The following FGGY variants were observed in gnomAD, a reference collection of about 807,000 sequenced individuals.
FGGY encodes FGGY carbohydrate kinase domain containing.
Under a neutral mutation model 71.3 loss-of-function variants are expected in FGGY, and 72 were observed. That is an observed-to-expected ratio of 1.01 (90% CI 0.84 to 1.23). The LOEUF is 1.23. FGGY is among the 50% of genes most tolerant of loss of function. The pLI, the probability that FGGY is intolerant of heterozygous loss-of-function variation, is 0.00. For missense variants in FGGY, 668 were observed against 682.3 expected (o/e 0.98, Z 0.23); for synonymous variants, 251 against 250.3 (o/e 1.00, Z -0.02).
intron 8 of FGGY, among the ~76,000 whole-genome samples, chr1:59,591,113 G>A (rs1187129226): frequency 2.6e-5 from 4 of 152,004 alleles, no homozygotes; most frequent in African/African-American, 4.8e-5. Context: ...AAATCAATGT[G>A]CAAAAATCAC....
chr1:59,378,656 T>A (rs371916928), intron 4 of FGGY, 93 bp from the exon 5 acceptor site: 1 of 1,080,400 alleles, frequency 9.3e-7, no homozygotes, highest in Non-Finnish European at 1.4e-6. Flanking sequence ...CATTGTTGGC[T>A]ATGCTTTTGT....
At chr1:59,512,194 A>C in intron 6 of FGGY, 117 bp from the exon 7 acceptor site, 1 of 1,164,918 alleles carries the variant, frequency 8.6e-7, no homozygotes. Flanking sequence ...CATGGTTTTT[A>C]TCTTTGCAAA....
intron 7 of FGGY, among the ~76,000 whole-genome samples, chr1:59,547,016 G>A (rs1048304985): frequency 7.5e-5 from 11 of 145,918 alleles, no homozygotes; most frequent in Non-Finnish European, 1.2e-4. Context: ...GCAGTGGCGC[G>A]ATCTCGATTC....
chr1:59,708,378 C>G (rs1161547486), intron 14 of FGGY, among the ~76,000 whole-genome samples: 3 of 152,098 alleles, frequency 2.0e-5, no homozygotes, highest in African/African-American at 7.2e-5. Flanking sequence ...GAGCTTTTCC[C>G]TACTTCAACT....
intron 6 of FGGY, 31 bp downstream of exon 6, chr1:59,457,107 A>G (rs1455454352): frequency 9.5e-6 from 14 of 1,467,322 alleles, no homozygotes; most frequent in Admixed American, 5.0e-5. Context: ...TAGAGTGATT[A>G]TGTGCATTGG....
At chr1:59,433,189 G>C (rs984040311) in intron 5 of FGGY, among the ~76,000 whole-genome samples, 2 of 152,140 alleles carry the variant, frequency 1.3e-5, no homozygotes, top group Non-Finnish European at 2.9e-5. Context: ...CAGGATGTGT[G>C]GCACCATCCC....
At chr1:59,564,048 A>G (rs2095837849) in intron 8 of FGGY, among the ~76,000 whole-genome samples, 1 of 152,342 alleles carries the variant, frequency 6.6e-6, no homozygotes, top group South Asian at 2.1e-4. Context: ...CTCAAGATGG[A>G]TTAAAGATTT....
intron 14 of FGGY, among the ~76,000 whole-genome samples, chr1:59,705,820 T>C (rs945370872): frequency 6.6e-6 from 1 of 152,238 alleles, no homozygotes; most frequent in Non-Finnish European, 1.5e-5. Flanking sequence ...CTTTTGCCTT[T>C]TCTGGTTAAA....
In FGGY at chr1:59,503,953, G is replaced by C. The variant is rs543023625; in HGVS notation, c.671-8358G>C. Among the ~76,000 whole-genome samples, 20 of 152,104 alleles carry C rather than the reference G, an allele frequency of 1.3e-4. No individual in the cohort carries two copies. The South Asian group carries it at 3.9e-3, about 30-fold the overall frequency. ...ATCAGAAGACCCTCATTCCAGAGAGGGTCCTGCCCCATAGCCTAGTGGAAA... is the reference window on the plus strand; with the variant it reads ...ATCAGAAGACCCTCATTCCAGAGAGCGTCCTGCCCCATAGCCTAGTGGAAA... On this transcript the variant is annotated intron_variant, in intron 6 of 15. Transcript: ENST00000303721.
At chr1:59,499,820 TG>T (rs2094168624) in intron 6 of FGGY, among the ~76,000 whole-genome samples, 1 of 152,230 alleles carries the variant, frequency 6.6e-6, no homozygotes, top group Non-Finnish European at 1.5e-5. Context: ...GAAACATAGC[TG>T]CTATTAAAGT....
chr1:59,467,853 T>A (rs2092723964), intron 6 of FGGY, among the ~76,000 whole-genome samples: 1 of 152,074 alleles, frequency 6.6e-6, no homozygotes, highest in Non-Finnish European at 1.5e-5. Context: ...TGATTTTTTT[T>A]AAGTCCCTTG....
At chr1:59,660,909 G>T (rs1464528889) in intron 12 of FGGY, among the ~76,000 whole-genome samples, 1 of 152,182 alleles carries the variant, frequency 6.6e-6, no homozygotes, top group Admixed American at 6.5e-5. Context: ...CTACAAGAGG[G>T]TTCTAATCCT....
chr1:59,328,375 A>G (rs565179429), intron 2 of FGGY, among the ~76,000 whole-genome samples: 6 of 152,228 alleles, frequency 3.9e-5, no homozygotes, highest in Admixed American at 1.3e-4. Flanking sequence ...AACTTCTGGT[A>G]GCTTCAAACT....
chr1:59,527,920 C>G (rs753899593), intron 7 of FGGY, among the ~76,000 whole-genome samples: 7 of 152,134 alleles, frequency 4.6e-5, no homozygotes, highest in Non-Finnish European at 1.0e-4. Flanking sequence ...CTTATTACTT[C>G]TTGCAGCAGT....
At chr1:59,589,829 A>G (rs1275383012) in intron 8 of FGGY, among the ~76,000 whole-genome samples, 1 of 152,286 alleles carries the variant, frequency 6.6e-6, no homozygotes, top group African/African-American at 2.4e-5. Flanking sequence ...CCCACAAGAG[A>G]AAGCAGGAAA....
chr1:59,597,029 A>G (rs1470803399), intron 8 of FGGY, among the ~76,000 whole-genome samples: 1 of 152,082 alleles, frequency 6.6e-6, no homozygotes, highest in Non-Finnish European at 1.5e-5. Context: ...ATACTTTTGC[A>G]CTCAAGCAGG....
intron 6 of FGGY, among the ~76,000 whole-genome samples, chr1:59,487,717 G>C (rs922604373): frequency 6.6e-6 from 1 of 151,934 alleles, no homozygotes; most frequent in African/African-American, 2.4e-5. Context: ...ATCTCTTTGG[G>C]GGCCTGAGGA....
intron 6 of FGGY, among the ~76,000 whole-genome samples, chr1:59,477,021 C>A (rs2093295368): frequency 6.6e-6 from 1 of 152,136 alleles, no homozygotes; most frequent in Non-Finnish European, 1.5e-5. Flanking sequence ...TTTATTTTTC[C>A]TTGTTTTTTG....
intron 14 of FGGY, among the ~76,000 whole-genome samples, chr1:59,685,543 C>T (rs1230064920): frequency 6.6e-6 from 1 of 152,062 alleles, no homozygotes; most frequent in Admixed American, 6.6e-5. Context: ...TACATATAAA[C>T]ATGGGAAGAT....
Sources: allele counts gnomAD v4.1 joint callset (sites outside exome capture counted in the v4.1 genomes callset), GRCh38; gene constraint gnomAD v4.1.1; transcripts MANE v1.5; gene names NCBI Gene and HGNC (gene_info 2026-07-23, HGNC 2026-07-21).